Variants in TNNI3K observed in about 807,000 individuals in gnomAD.
The protein encoded by TNNI3K is serine/threonine-protein kinase TNNI3K.
Under a neutral mutation model 114.5 loss-of-function variants are expected in TNNI3K, and 140 were observed. That is an observed-to-expected ratio of 1.22 (90% CI 1.07 to 1.41). The LOEUF (loss-of-function observed/expected upper bound fraction) is 1.41. Among genes scored for constraint, TNNI3K ranks in the 40% most tolerant of loss-of-function variants. TNNI3K has a pLI of 0.00. For synonymous variants in TNNI3K, 347 were observed against 347.5 expected (o/e 1.00, Z 0.02); for missense variants, 1,125 against 1,007.6 (o/e 1.12, Z -1.58).
chr1:74,279,278 G>A (rs533783), intron 5 of TNNI3K, among the ~76,000 whole-genome samples: 151,936 of 152,338 alleles, frequency 1, 75,769 homozygotes, highest in Non-Finnish European at 1. Context: ...TGCATTCTTA[G>A]GCAGTTATGA....
chr1:74,544,051 G>A lies in TNNI3K; in HGVS notation c.*69G>A. The A allele has an allele frequency of 6.5e-7, 1 of 1,547,672 alleles. No individual in the cohort carries two copies. Among genetic ancestry groups the A allele is most frequent in the Non-Finnish European group, 8.8e-7 (1 of 1,138,858 alleles). ...ACAGCAACGATTCCAACCACGGCAA[G>A]CTGGCTTCCAACTATAACATTTTAC... On this transcript the variant is annotated 3_prime_UTR_variant, in exon 25 of 25. Coordinates refer to ENST00000326637, the MANE Select transcript of TNNI3K (RefSeq NM_015978.3).
chr1:74,513,193 G>C (rs1646289106), intron 23 of TNNI3K, among the ~76,000 whole-genome samples: 1 of 152,208 alleles, frequency 6.6e-6, no homozygotes, highest in Non-Finnish European at 1.5e-5. Flanking sequence ...TGGAGAAAGA[G>C]TCCGAATGAC....
intron 21 of TNNI3K, among the ~76,000 whole-genome samples, chr1:74,474,231 A>C (rs1191016448): frequency 6.6e-6 from 1 of 152,150 alleles, no homozygotes; most frequent in Non-Finnish European, 1.5e-5. Context: ...GATCTGCCTA[A>C]GGTATGATTC....
chr1:74,498,854 A>T (rs80307868), intron 23 of TNNI3K, among the ~76,000 whole-genome samples: 12 of 148,930 alleles, frequency 8.1e-5, no homozygotes, highest in East Asian at 1.9e-4. Context: ...TGTGTTTTTT[A>T]AAAAAAATTT....
chr1:74,425,536 C>T (rs1665596205), intron 17 of TNNI3K, among the ~76,000 whole-genome samples: 1 of 152,102 alleles, frequency 6.6e-6, no homozygotes, highest in African/African-American at 2.4e-5. Context: ...TTCTCCCATT[C>T]TTCTCATTCT....
intron 4 of TNNI3K, among the ~76,000 whole-genome samples, chr1:74,259,773 A>AAC (rs987710496): frequency 6.6e-6 from 1 of 152,116 alleles, no homozygotes; most frequent in Non-Finnish European, 1.5e-5. Flanking sequence ...CCCTGTCTCA[A>AAC]AAACAAACAA....
At chr1:74,335,861 A>G (rs913014204) in intron 6 of TNNI3K, 150 bp from the exon 7 acceptor site, 11 of 753,628 alleles carry the variant, frequency 1.5e-5, no homozygotes, top group Non-Finnish European at 2.2e-5. Flanking sequence ...GTATTAATCA[A>G]CCCTAGAATT....
chr1:74,505,976 A>G (rs1357829948), intron 23 of TNNI3K, among the ~76,000 whole-genome samples: 1 of 152,096 alleles, frequency 6.6e-6, no homozygotes, highest in Non-Finnish European at 1.5e-5. Flanking sequence ...AGAGAAAGTA[A>G]AAAAATGAAA....
At chr1:74,363,339 G>C (rs1224050764) in intron 11 of TNNI3K, among the ~76,000 whole-genome samples, 1 of 152,012 alleles carries the variant, frequency 6.6e-6, no homozygotes, top group Admixed American at 6.6e-5. Context: ...GGGGAAATCA[G>C]GCAGAGATGC....
Position 74,459,012 on chromosome 1 carries a change from T to C in TNNI3K, c.2012-4429T>C, listed in dbSNP as rs146651068. On this transcript the variant is annotated intron_variant, in intron 20 of 24. Coordinates refer to ENST00000326637, the MANE Select transcript of TNNI3K (RefSeq NM_015978.3). ...CTTATAGGTGAGAACATGTGTTATT[T>C]GGTTTTCTGGTCCTGCATTAATTCC... 8.0e-4 allele frequency among the ~76,000 whole-genome samples: 122 copies of C among 152,318 alleles called. No homozygotes were observed. In the East Asian group the frequency reaches 0.016, roughly 20 times the overall value.
At chr1:74,361,089 C>G (rs181246686) in intron 11 of TNNI3K, among the ~76,000 whole-genome samples, 2 of 152,088 alleles carry the variant, frequency 1.3e-5, no homozygotes, top group African/African-American at 2.4e-5. Flanking sequence ...TCTGTTGTCT[C>G]TGTAACTATT....
intron 17 of TNNI3K, among the ~76,000 whole-genome samples, chr1:74,407,679 A>G (rs1158271741): frequency 6.6e-6 from 1 of 152,060 alleles, no homozygotes; most frequent in South Asian, 2.1e-4. Flanking sequence ...CTGATCTTAT[A>G]CTTGACTTTA....
chr1:74,540,525 A>G (rs902959205), intron 24 of TNNI3K, among the ~76,000 whole-genome samples: 2 of 151,810 alleles, frequency 1.3e-5, no homozygotes, highest in East Asian at 1.9e-4. Flanking sequence ...GTGAGTGTGC[A>G]TGAGTGTGTA....
chr1:74,316,694 A>T (rs143357148), intron 5 of TNNI3K, among the ~76,000 whole-genome samples: 2,571 of 149,022 alleles, frequency 0.017, 59 homozygotes, highest in East Asian at 0.053. Context: ...TTATTTATTT[A>T]TTTATTTATT....
intron 17 of TNNI3K, among the ~76,000 whole-genome samples, chr1:74,402,805 A>G (rs956341725): frequency 1.3e-5 from 2 of 152,218 alleles, no homozygotes; most frequent in African/African-American, 4.8e-5. Context: ...CATGTGGCCC[A>G]GGACAGCTTT....
chr1:74,417,050 G>C (rs911131299), intron 17 of TNNI3K, among the ~76,000 whole-genome samples: 8 of 151,898 alleles, frequency 5.3e-5, no homozygotes, highest in Non-Finnish European at 1.0e-4. Context: ...CTGTTAATAT[G>C]TTATATAAGG....
intron 4 of TNNI3K, among the ~76,000 whole-genome samples, chr1:74,270,923 T>C (rs909922607): frequency 6.6e-6 from 1 of 151,750 alleles, no homozygotes; most frequent in Non-Finnish European, 1.5e-5. Context: ...AAGGCAGAAA[T>C]ACAATACAAA....
chr1:74,377,671 G>A (rs1662976095), intron 17 of TNNI3K, among the ~76,000 whole-genome samples: 1 of 152,032 alleles, frequency 6.6e-6, no homozygotes, highest in Non-Finnish European at 1.5e-5. Context: ...ATGAACTGCA[G>A]TGTGCACTGC....
intron 23 of TNNI3K, among the ~76,000 whole-genome samples, chr1:74,504,094 T>C (rs1311095219): frequency 1.3e-5 from 2 of 152,200 alleles, no homozygotes; most frequent in Admixed American, 1.3e-4. Flanking sequence ...TAGTGAAATA[T>C]ACAAGCAATT....
Sources: allele counts gnomAD v4.1 joint callset (sites outside exome capture counted in the v4.1 genomes callset), GRCh38; gene constraint gnomAD v4.1.1; transcripts MANE v1.5; gene names NCBI Gene and HGNC (gene_info 2026-07-23, HGNC 2026-07-21).